Variants in COL5A3 observed in about 807,000 individuals in gnomAD.
COL5A3 encodes the protein collagen type V alpha 3 chain, also known as collagen alpha-3(V) chain.
COL5A3 carries 172 observed loss-of-function variants against 250.0 expected under a neutral mutation model. The observed-to-expected ratio is 0.69, with a 90% CI of 0.61 to 0.78. COL5A3 has a LOEUF of 0.78. Among genes scored for constraint, COL5A3 ranks in the 30% least tolerant of loss-of-function variants. The pLI, the probability that COL5A3 is intolerant of heterozygous loss-of-function variation, is 0.00. For synonymous variants in COL5A3, 937 were observed against 900.4 expected, an observed-to-expected ratio of 1.04 and a Z score of -0.73; for missense variants, 2,340 against 2,334.4, an observed-to-expected ratio of 1.00 and a Z score of -0.05.
chr19:9,993,700 C>A, intron 17 of COL5A3, 28 bp from the exon 18 acceptor site: 6 of 1,614,130 alleles, frequency 3.7e-6, no homozygotes, highest in Non-Finnish European at 5.1e-6. Context: ...TGAGCCTTGA[C>A]CCCATAAGCC....
Position 9,966,517 on chromosome 19 carries a change from C to T in COL5A3, c.4669+19G>A, listed in dbSNP as rs767139457. On this transcript the variant is annotated intron_variant, in intron 63 of 66. Coordinates refer to ENST00000264828, the MANE Select transcript of COL5A3 (RefSeq NM_015719.4). Reference sequence around the variant, plus strand: ...ACCCCCACTCCGCCCATCCAAGTGGCGGGGGGACCGGACCTCACCATCAGG... The same window carrying T: ...ACCCCCACTCCGCCCATCCAAGTGGTGGGGGGACCGGACCTCACCATCAGG... 2.6e-6 allele frequency: 4 copies of T among 1,535,950 alleles called. No homozygotes were observed. In the East Asian group the frequency reaches 7.3e-5, roughly 28 times the overall value.
chr19:10,003,793 G>A, intron 5 of COL5A3, 79 bp from the exon 6 acceptor site: 1 of 1,574,632 alleles, frequency 6.4e-7, no homozygotes, highest in Non-Finnish European at 8.7e-7. Flanking sequence ...GGGTGAGGCT[G>A]GCTCATGGCC....
Position 9,966,347 on chromosome 19 carries a change from C to A in COL5A3, c.4749G>T (p.Glu1583Asp). The change falls in exon 64 of 67, where the codon GAG becomes GAT. Residue 1583 changes from glutamate (E) to aspartate (D), a missense_variant. Physicochemically the swap from Glu to Asp is conservative, Grantham distance 45. This residue lies in a region of COL5A3 where 1,179 missense variants were observed against 1,162.6 expected (regional missense o/e 1.01). Coordinates refer to ENST00000264828, the MANE Select transcript of COL5A3 (RefSeq NM_015719.4). ...RVFCNFTAGGETCLYPDKKFE... is the reference protein window; with the variant it reads ...RVFCNFTAGGDTCLYPDKKFE... ...ACTTCTTGTCGGGATAGAGGCAGGT[C>A]TCTCCTCCCGCCGTGAAGTTGCAAA... The A allele has an allele frequency of 6.2e-7, 1 of 1,605,178 alleles. No homozygotes were observed. Among genetic ancestry groups the A allele is most frequent in the East Asian group, 2.2e-5 (1 of 44,804 alleles).
chr19:9,988,690 G>A lies in COL5A3; in HGVS notation c.2145+434C>T, dbSNP rs563888863. ...TAATAAAAATACAAAAATTACCCAG[G>A]AGTGGTGGTGCATGCCTGCAGTCCC... On this transcript the variant is annotated intron_variant, in intron 27 of 66. Transcript: ENST00000264828. 2.6e-4 allele frequency among the ~76,000 whole-genome samples: 39 copies of A among 151,820 alleles called. 1 individual carries two copies. In the East Asian group the frequency reaches 3.7e-3, roughly 14 times the overall value.
intron 1 of COL5A3, among the ~76,000 whole-genome samples, chr19:10,008,831 C>A (rs1568436060): frequency 6.6e-6 from 1 of 151,970 alleles, no homozygotes; most frequent in Non-Finnish European, 1.5e-5. Flanking sequence ...TGGGGGAGTG[C>A]CGTTCTGTGT....
At position 9,971,593 on chromosome 19, in the gene COL5A3, T is replaced by C. The variant is rs558714288; in HGVS notation, c.3775-335A>G. 3.7e-4 allele frequency among the ~76,000 whole-genome samples: 56 copies of C among 150,854 alleles called. 1 individual carries two copies. The highest frequency in any genetic ancestry group is 3.4e-3 in the Middle Eastern group (1 of 294). On this transcript the variant is annotated intron_variant, in intron 51 of 66. Coordinates refer to ENST00000264828, the MANE Select transcript of COL5A3 (RefSeq NM_015719.4). ...TTCATTCATTCATCCATCCATCCAT[T>C]CATTCATACACTCAGAGAAGGGACA...
chr19:9,978,387 C>T lies in COL5A3; in HGVS notation c.3018+187G>A, dbSNP rs146169733. On this transcript the variant is annotated intron_variant, in intron 41 of 66. Coordinates refer to ENST00000264828, the MANE Select transcript of COL5A3 (RefSeq NM_015719.4). ...TACAGGCATCTGCCTCCATGCCTGG[C>T]TAATTTTTGTATTTTTAGTAGAGAC... Among the ~76,000 whole-genome samples the T allele has an allele frequency of 7.9e-4, 120 of 152,132 alleles. 1 individual carries two copies. In the East Asian group the frequency reaches 0.022, roughly 28 times the overall value.
Position 9,960,483 on chromosome 19 carries a change from C to A in COL5A3, c.5166G>T (p.Val1722=). 1 of 1,614,208 alleles carries A rather than the reference C, an allele frequency of 6.2e-7. No individual in the cohort carries two copies. Reference sequence around the variant, plus strand: ...TCGTCTGGCCAAAGTCAGTGGCCGCCACATCCCACAGGGGCAGAAATCCCG... The same window carrying A: ...TCGTCTGGCCAAAGTCAGTGGCCGCAACATCCCACAGGGGCAGAAATCCCG... The part of the protein sequence containing the change: ...SRAGFLPLWD[V]AATDFGQTNQ... Residue 1722 remains valine, a synonymous_variant, in exon 67 of 67, where the codon GTG becomes GTT. Coordinates refer to ENST00000264828, the MANE Select transcript of COL5A3 (RefSeq NM_015719.4).
At position 10,004,054 on chromosome 19, in the gene COL5A3, G is replaced by C. The variant is rs1285080574; in HGVS notation, c.686C>G (p.Pro229Arg). The C allele has an allele frequency of 4.3e-6, 7 of 1,613,354 alleles. No homozygotes were observed. The Admixed American group carries it at 1.0e-4, about 23-fold the overall frequency. Residue 229 changes from proline to arginine, a missense_variant, in exon 5 of 67, where the codon CCG becomes CGG. Coordinates refer to ENST00000264828, the MANE Select transcript of COL5A3 (RefSeq NM_015719.4). ...TCCCTCACTCACCACTGTGGCTGCC[G>C]GTGCCAGGTTGTCACAGTCGGGGAG... is the stretch of plus-strand genomic sequence containing the variant. Reference protein sequence around the residue: ...RYLPDCDNLAPAATVAPQGEP... With the variant: ...RYLPDCDNLARAATVAPQGEP...
intron 16 of COL5A3, among the ~76,000 whole-genome samples, chr19:9,994,294 T>TCAGCCTCC (rs888154372): frequency 6.6e-6 from 1 of 151,530 alleles, no homozygotes; most frequent in African/African-American, 2.4e-5. Context: ...TCCTCCCACC[T>TCAGCCTCC]CAGCCTCCCA....
In COL5A3 at chr19:9,989,485, C is replaced by T. The variant is rs1380335539; in HGVS notation, c.2030G>A (p.Gly677Glu). 1 of 1,613,228 alleles carries T rather than the reference C, an allele frequency of 6.2e-7. No homozygotes were observed. Among genetic ancestry groups the T allele is most frequent in the Admixed American group, 1.7e-5 (1 of 59,916 alleles). Reference sequence around the variant, plus strand: ...GGTTCTCACCAGAGGGCCATCGGATCCTGGGAGGCCTGGAATTCCTGGGTT... The same window carrying T: ...GGTTCTCACCAGAGGGCCATCGGATTCTGGGAGGCCTGGAATTCCTGGGTT... ...PGNPGIPGLP[G>E]SDGPLGHPGH... The change falls in exon 25 of 67, where the codon GGA (glycine) becomes GAA (glutamate). Residue 677 changes from glycine (G) to glutamate (E), a missense_variant. Coordinates refer to ENST00000264828, the MANE Select transcript of COL5A3 (RefSeq NM_015719.4).
intron 25 of COL5A3, 32 bp downstream of exon 25, chr19:9,989,437 C>T (rs2087155810): frequency 6.2e-7 from 1 of 1,613,688 alleles, no homozygotes; most frequent in African/African-American, 1.3e-5. Flanking sequence ...TCCCCTTTCT[C>T]CTTCCTCCTT....
chr19:9,986,042 G>T, intron 30 of COL5A3, 147 bp from the exon 31 acceptor site: 1 of 752,606 alleles, frequency 1.3e-6, no homozygotes, highest in Non-Finnish European at 2.3e-6. Flanking sequence ...CCTGCTAGGG[G>T]CATGTCCTTG....
chr19:9,980,855 G>T lies in COL5A3; in HGVS notation c.2510C>A (p.Ser837Tyr), dbSNP rs761815520. The change falls in exon 34 of 67, where the codon TCC becomes TAC. Residue 837 changes from serine to tyrosine, a missense_variant. This residue lies in a region of COL5A3 where 1,152 missense variants were observed against 1,146.3 expected (regional missense o/e 1.00). Coordinates refer to ENST00000264828, the MANE Select transcript of COL5A3 (RefSeq NM_015719.4). ...GLEGERGPPG[S>Y]RGERGQPGAT... ...ACCCGGTTGCCCCCTCTCTCCACGGGAACCCTGAACAAAAAAAAAAGGCAA... is the reference window on the plus strand; with the variant it reads ...ACCCGGTTGCCCCCTCTCTCCACGGTAACCCTGAACAAAAAAAAAAGGCAA... 1 of 1,608,454 alleles carries T rather than the reference G, an allele frequency of 6.2e-7. No individual in the cohort carries two copies. Among genetic ancestry groups the T allele is most frequent in the South Asian group, 1.1e-5 (1 of 90,382 alleles).
intron 64 of COL5A3, among the ~76,000 whole-genome samples, 185 bp downstream of exon 64, chr19:9,966,129 C>A (rs1015188921): frequency 6.6e-6 from 1 of 152,206 alleles, no homozygotes. Context: ...ACCAGGCTGG[C>A]CTGATTTTTT....
At chr19:9,996,584 C>T in intron 12 of COL5A3, 31 bp downstream of exon 12, 1 of 1,613,900 alleles carries the variant, frequency 6.2e-7, no homozygotes, top group Non-Finnish European at 8.5e-7. Context: ...ACTCCACTCC[C>T]CAAGGCTGGG....
intron 64 of COL5A3, among the ~76,000 whole-genome samples, chr19:9,965,007 C>A (rs149081280): frequency 0.025 from 3,830 of 151,642 alleles, 102 homozygotes; most frequent in East Asian, 0.12. Context: ...TGAGATCACG[C>A]CACTGCATTC....
Position 10,003,569 on chromosome 19 carries a change from T to C in COL5A3, c.845A>G (p.Asn282Ser). Residue 282 changes from asparagine to serine, a missense_variant, in exon 6 of 67, where the codon AAC (asparagine) becomes AGC (serine). Physicochemically the swap from Asn to Ser is conservative, Grantham distance 46. Coordinates refer to ENST00000264828, the MANE Select transcript of COL5A3 (RefSeq NM_015719.4). ...GAGAGGTCTCAGGGCCCTTACCTGG[T>C]TCTCTGCGGAGTCAGGAGGTGGACT... ...TSSPPPDSAENQTSTDIPKTE... is the reference protein window; with the variant it reads ...TSSPPPDSAESQTSTDIPKTE... 1 of 1,614,132 alleles carries C rather than the reference T, an allele frequency of 6.2e-7. No individual in the cohort carries two copies. Among genetic ancestry groups the C allele is most frequent in the Non-Finnish European group, 8.5e-7 (1 of 1,180,000 alleles).
In COL5A3 at chr19:9,967,907, A is replaced by G; in HGVS notation, c.4401T>C (p.Ser1467=). The change falls in exon 61 of 67, where the codon TCT becomes TCC. Residue 1467 remains serine, a synonymous_variant. Transcript: ENST00000264828. ...GPLGQKGSKG[S]PGSMGPRGDT... ...CACGGAAGCAGGGTGTACTCACCGG[A>G]GACCCTTTTGAGCCTTTCTGTCCTA... The G allele has an allele frequency of 2.5e-6, 4 of 1,613,254 alleles. No individual in the cohort carries two copies. The highest frequency in any genetic ancestry group is 3.4e-6 in the Non-Finnish European group (4 of 1,179,704).
Sources: allele counts gnomAD v4.1 joint callset (sites outside exome capture counted in the v4.1 genomes callset), GRCh38; gene constraint gnomAD v4.1.1; regional missense constraint gnomAD v4.1.1; transcripts MANE v1.5; gene names NCBI Gene and HGNC (gene_info 2026-07-23, HGNC 2026-07-21).